SORCS1: variants seen among roughly 807,000 people sequenced by gnomAD.
The protein encoded by SORCS1 is VPS10 domain-containing receptor SorCS1.
SORCS1 carries 60 observed loss-of-function variants against 146.1 expected under a neutral mutation model. The observed-to-expected ratio is 0.41, with a 90% CI of 0.33 to 0.51. The LOEUF (loss-of-function observed/expected upper bound fraction) is 0.51. SORCS1 is among the 20% of genes least tolerant of loss of function. The pLI, the probability that SORCS1 is intolerant of heterozygous loss-of-function variation, is 0.21. For synonymous variants in SORCS1, 637 were observed against 584.0 expected (o/e 1.09, Z -1.31); for missense variants, 1,352 against 1,487.6 (o/e 0.91, Z 1.50).
intron 2 of SORCS1, among the ~76,000 whole-genome samples, chr10:106,896,172 T>C (rs1018709187): frequency 6.6e-6 from 1 of 152,142 alleles, no homozygotes; most frequent in Non-Finnish European, 1.5e-5. Flanking sequence ...CTCATGCCTG[T>C]ATTCCTAGCA....
intron 18 of SORCS1, among the ~76,000 whole-genome samples, chr10:106,640,253 G>A (rs1367497870): frequency 6.6e-6 from 1 of 152,128 alleles, no homozygotes; most frequent in African/African-American, 2.4e-5. Flanking sequence ...TACACTGTGG[G>A]TACTTTAGTG....
At chr10:106,891,930 T>G (rs1951253075) in intron 2 of SORCS1, among the ~76,000 whole-genome samples, 1 of 152,082 alleles carries the variant, frequency 6.6e-6, no homozygotes, top group Non-Finnish European at 1.5e-5. Flanking sequence ...GAGCAGGAGG[T>G]AAACCATTCC....
chr10:106,881,004 G>T (rs1332601624), intron 2 of SORCS1, among the ~76,000 whole-genome samples: 1 of 149,022 alleles, frequency 6.7e-6, no homozygotes, highest in East Asian at 2.0e-4. Context: ...GTGAACCCAG[G>T]AGGTGGAGCT....
chr10:106,692,508 C>T (rs1393471588), intron 9 of SORCS1, among the ~76,000 whole-genome samples: 2 of 152,180 alleles, frequency 1.3e-5, no homozygotes, highest in African/African-American at 4.8e-5. Context: ...AGCTTCTGTA[C>T]TGGACAATGA....
chr10:107,110,768 T>G (rs1423910871), intron 1 of SORCS1, among the ~76,000 whole-genome samples: 14 of 152,162 alleles, frequency 9.2e-5, no homozygotes, highest in Non-Finnish European at 2.1e-4. Flanking sequence ...CAGGTACATA[T>G]TCAGTGACCT....
At chr10:106,685,826 G>A (rs1218667653) in intron 10 of SORCS1, among the ~76,000 whole-genome samples, 1 of 152,006 alleles carries the variant, frequency 6.6e-6, no homozygotes, top group Non-Finnish European at 1.5e-5. Context: ...AGGAAAGAAG[G>A]GATACGATCT....
intron 1 of SORCS1, among the ~76,000 whole-genome samples, chr10:107,149,195 T>C (rs2134795882): frequency 6.6e-6 from 1 of 152,302 alleles, no homozygotes; most frequent in South Asian, 2.1e-4. Context: ...TTTCTGTTCT[T>C]TTTTTCTTTT....
chr10:107,132,406 C>G (rs1966927059), intron 1 of SORCS1, among the ~76,000 whole-genome samples: 1 of 152,210 alleles, frequency 6.6e-6, no homozygotes, highest in Non-Finnish European at 1.5e-5. Context: ...CAACATAGCA[C>G]TTAATTTTCA....
intron 13 of SORCS1, among the ~76,000 whole-genome samples, chr10:106,676,418 G>A (rs1282050778): frequency 6.6e-6 from 1 of 152,124 alleles, no homozygotes; most frequent in African/African-American, 2.4e-5. Context: ...TGTGTGGAAT[G>A]CAAAAATGGA....
chr10:106,634,292 G>A (rs943445227), intron 18 of SORCS1, among the ~76,000 whole-genome samples: 2 of 152,164 alleles, frequency 1.3e-5, no homozygotes, highest in African/African-American at 4.8e-5. Context: ...CAACACCTGC[G>A]AATGATCCTT....
intron 1 of SORCS1, among the ~76,000 whole-genome samples, chr10:107,012,601 G>A (rs1264377424): frequency 3.3e-5 from 5 of 152,138 alleles, no homozygotes; most frequent in Non-Finnish European, 5.9e-5. Flanking sequence ...ACAGAGAGGT[G>A]AAGTTACTTG....
chr10:107,054,332 CA>C (rs923499987), intron 1 of SORCS1, among the ~76,000 whole-genome samples: 93 of 152,224 alleles, frequency 6.1e-4, no homozygotes, highest in Admixed American at 5.7e-3. Flanking sequence ...ACTATAATAA[CA>C]TTTTTTTAAA....
At position 107,119,173 on chromosome 10, in the gene SORCS1, A is replaced by G. The variant is rs150102212; in HGVS notation, c.558+44796T>C. ...GTGAAAGGAAAAGGCAAAATATCAA[A>G]ATTTCACTGCAGATTTTGAAGTACA... is the stretch of plus-strand genomic sequence containing the variant. On this transcript the variant is annotated intron_variant, in intron 1 of 25. Coordinates refer to ENST00000263054, the MANE Select transcript of SORCS1 (RefSeq NM_052918.5). Among the ~76,000 whole-genome samples, 115 of 152,350 alleles carry G rather than the reference A, an allele frequency of 7.5e-4. 1 individual carries two copies. The highest frequency in any genetic ancestry group is 3.9e-3 in the South Asian group (19 of 4,830).
chr10:106,781,019 T>A (rs554157902), intron 3 of SORCS1, among the ~76,000 whole-genome samples: 9 of 152,104 alleles, frequency 5.9e-5, no homozygotes, highest in Non-Finnish European at 1.2e-4. Context: ...CAGCTCAGTG[T>A]CATCAAAAAT....
chr10:106,724,392 A>C (rs1006755974), intron 6 of SORCS1, among the ~76,000 whole-genome samples: 12 of 152,160 alleles, frequency 7.9e-5, no homozygotes, highest in African/African-American at 2.9e-4. Context: ...CTGTAATCCC[A>C]GCTACTCAGG....
At chr10:107,125,123 T>G (rs567327619) in intron 1 of SORCS1, among the ~76,000 whole-genome samples, 1 of 151,982 alleles carries the variant, frequency 6.6e-6, no homozygotes, top group East Asian at 1.9e-4. Flanking sequence ...CAGCTAATTT[T>G]TATATTTTTA....
rs965667204 is a variant in SORCS1, at chr10:106,807,582, C to T, written c.726+21992G>A. On this transcript the variant is annotated intron_variant, in intron 3 of 25. Coordinates refer to ENST00000263054, the MANE Select transcript of SORCS1 (RefSeq NM_052918.5). ...AAAACAAAGGCCCTGACTACTCAGT[C>T]ATTTAAGGAAGACTCCCTGGAAACT... Among the ~76,000 whole-genome samples the T allele has an allele frequency of 3.3e-5, 5 of 152,210 alleles. No homozygotes were observed. In the South Asian group the frequency reaches 1.0e-3, roughly 31 times the overall value.
chr10:106,608,538 G>T (rs1846759845), intron 22 of SORCS1, among the ~76,000 whole-genome samples: 1 of 152,048 alleles, frequency 6.6e-6, no homozygotes. Context: ...TACTTCCTGG[G>T]TGTATTGTGC....
chr10:106,971,123 T>G (rs1339592322), intron 1 of SORCS1, among the ~76,000 whole-genome samples: 3 of 152,084 alleles, frequency 2.0e-5, no homozygotes, highest in African/African-American at 4.8e-5. Context: ...CACCACGATA[T>G]TTTAAAAAAT....
Sources: gnomAD v4.1 joint callset for allele counts (sites outside exome capture counted in the v4.1 genomes callset) on GRCh38, gnomAD v4.1.1 for gene constraint, MANE v1.5 for transcripts, NCBI Gene and HGNC (gene_info 2026-07-23, HGNC 2026-07-21) for gene names.